Variants in TLCD3B observed in about 807,000 individuals in gnomAD.
The protein encoded by TLCD3B is ceramide synthase.
In TLCD3B, 9 loss-of-function variants were observed where a neutral mutation model predicts 23.0. That is an observed-to-expected ratio of 0.39 (90% CI 0.24 to 0.68). The LOEUF (loss-of-function observed/expected upper bound fraction) is 0.68. TLCD3B is among the 30% of genes least tolerant of loss of function. TLCD3B has a pLI of 0.44. For missense variants in TLCD3B, 307 were observed against 371.8 expected (o/e 0.83, Z 1.43); for synonymous variants, 161 against 161.0 (o/e 1.00, Z 0.00).
chr16:30,031,796 G>A (rs576957354), upstream of TLCD3B, among the ~76,000 whole-genome samples: 7 of 152,294 alleles, frequency 4.6e-5, no homozygotes, highest in South Asian at 6.2e-4. Context: ...AGGTCACTGC[G>A]TCTGTCCTTC....
Position 30,025,636 on chromosome 16 carries a change from G to A in TLCD3B, c.540+90C>T, listed in dbSNP as rs751785844. ...CACGGGGTGAGGGGGGGATGACGAA[G>A]GGGCTAGAGCCCTTGGCAGCAACCT... On this transcript the variant is annotated intron_variant, in intron 4 of 4. Coordinates refer to ENST00000380495, the MANE Select transcript of TLCD3B (RefSeq NM_031478.6). This position sits in a 1 kb window ranked among gnomAD's most constrained non-coding sequence, Gnocchi z 4.1. The A allele has an allele frequency of 2.7e-5, 40 of 1,491,704 alleles. No homozygotes were observed. The highest frequency in any genetic ancestry group is 3.4e-5 in the Non-Finnish European group (36 of 1,070,560). 92.4% of individuals were successfully genotyped at this position (1,491,704 alleles called of 1,614,324 possible).
intron 3 of TLCD3B, chr16:30,036,565 G>C (rs2071478087): frequency 4.5e-6 from 2 of 446,758 alleles, no homozygotes; most frequent in Non-Finnish European, 3.8e-6. Flanking sequence ...GAGGCAGTTG[G>C]GGAGGGCAGG....
chr16:30,048,498 G>A (rs933371969), intron 1 of TLCD3B, among the ~76,000 whole-genome samples: 1 of 152,228 alleles, frequency 6.6e-6, no homozygotes, highest in Middle Eastern at 3.4e-3. Flanking sequence ...CAGTCCCTGA[G>A]GGTTATCCCC....
chr16:30,032,642 GTTTTT>G (rs560203961), upstream of TLCD3B: 3 of 98,568 alleles, frequency 3.0e-5, no homozygotes, highest in Admixed American at 1.1e-4. Flanking sequence ...ATTTTGTGGG[GTTTTT>G]TTTTTTTTTT....
Position 30,029,524 on chromosome 16 carries a change from G to T in TLCD3B, c.126-9C>A. 1 of 1,611,926 alleles carries T rather than the reference G, an allele frequency of 6.2e-7. No individual in the cohort carries two copies. The highest frequency in any genetic ancestry group is 1.1e-5 in the South Asian group (1 of 90,954). On this transcript the variant is annotated splice_polypyrimidine_tract_variant and intron_variant, in intron 1 of 4. Transcript: ENST00000380495. This position sits in a 1 kb window ranked among gnomAD's most constrained non-coding sequence, Gnocchi z 4.6. ...GGACAGAGGACACCAGCCTGGGGGA[G>T]AGAGGGAGGCGTGCTAGAAAGGCAG...
At chr16:30,040,147 A>AAAT in intron 3 of TLCD3B, among the ~76,000 whole-genome samples, 2,629 of 95,790 alleles carry the variant, frequency 0.027, 96 homozygotes, top group Admixed American at 0.091. Context: ...AAAAAAAAAA[A>AAAT]ATATATATAT....
In TLCD3B at chr16:30,028,072, G is replaced by A. The variant is rs1596741865; in HGVS notation, c.210-1229C>T. Among the ~76,000 whole-genome samples, 4 of 152,214 alleles carry A rather than the reference G, an allele frequency of 2.6e-5. No individual in the cohort carries two copies. The South Asian group carries it at 8.3e-4, about 32-fold the overall frequency. On this transcript the variant is annotated intron_variant, in intron 2 of 4. Coordinates refer to ENST00000380495, the MANE Select transcript of TLCD3B (RefSeq NM_031478.6). ...AGGGAAAGATGAGAGGGGAGGGGCA[G>A]CTGTAGAGAACGCGAAGCGGGAACA...
chr16:30,027,552 G>A (rs1030882858), intron 2 of TLCD3B: 10 of 456,012 alleles, frequency 2.2e-5, no homozygotes, highest in Admixed American at 4.7e-5. Flanking sequence ...AGCGCTGTTC[G>A]CCCTGCCCCA....
At chr16:30,044,856 G>C (rs906447411) in intron 2 of TLCD3B, among the ~76,000 whole-genome samples, 1 of 151,736 alleles carries the variant, frequency 6.6e-6, no homozygotes, top group Non-Finnish European at 1.5e-5. Context: ...GGCGGGCGGC[G>C]GGGGGGTGCG....
chr16:30,051,825 G>A (rs2071760469), intron 1 of TLCD3B, among the ~76,000 whole-genome samples: 1 of 152,204 alleles, frequency 6.6e-6, no homozygotes, highest in East Asian at 1.9e-4. Flanking sequence ...CAAAACTGAG[G>A]ACGTGCTTGA....
At chr16:30,048,803 G>C (rs1158431942) in intron 1 of TLCD3B, among the ~76,000 whole-genome samples, 1 of 148,774 alleles carries the variant, frequency 6.7e-6, no homozygotes, top group Non-Finnish European at 1.5e-5. Context: ...CGGAGTCTCT[G>C]TCTGTCACCC....
chr16:30,027,135 G>C (rs963015833), intron 2 of TLCD3B: 1 of 526,354 alleles, frequency 1.9e-6, no homozygotes, highest in African/African-American at 1.9e-5. Flanking sequence ...CAGACCAAAA[G>C]GCACAGATAC....
chr16:30,029,371 G>A lies in TLCD3B; in HGVS notation c.209+61C>T, dbSNP rs1401386708. On this transcript the variant is annotated intron_variant, in intron 2 of 4. Coordinates refer to ENST00000380495, the MANE Select transcript of TLCD3B (RefSeq NM_031478.6). This position sits in a 1 kb window ranked among gnomAD's most constrained non-coding sequence, Gnocchi z 4.6. ...TTCCCTCCAAGATGTGGGGTCTTCC[G>A]GGATTACCCGTACACGCCAACCACT... 2.4e-5 allele frequency: 36 copies of A among 1,473,272 alleles called. No individual in the cohort carries two copies. In the East Asian group the frequency reaches 2.7e-4, roughly 11 times the overall value. 91.3% of individuals were successfully genotyped at this position (1,473,272 alleles called of 1,614,324 possible).
chr16:30,033,974 A>G (rs1157223499), upstream of TLCD3B, among the ~76,000 whole-genome samples: 1 of 151,814 alleles, frequency 6.6e-6, no homozygotes, highest in Non-Finnish European at 1.5e-5. Context: ...TCAAAAAAAT[A>G]AAAAGAATTG....
intron 2 of TLCD3B, 70 bp from the exon 3 acceptor site, chr16:30,026,913 A>C: frequency 1.5e-4 from 190 of 1,305,480 alleles, no homozygotes; most frequent in Non-Finnish European, 1.9e-4. Flanking sequence ...GTCAGATCTC[A>C]GGGGTCAGCA....
At chr16:30,027,033 G>A (rs2071174671) in intron 2 of TLCD3B, 190 bp from the exon 3 acceptor site, 1 of 687,910 alleles carries the variant, frequency 1.5e-6, no homozygotes, top group African/African-American at 1.8e-5. Flanking sequence ...AAGAGATGGT[G>A]CTGGGATTCA....
rs1471042903 is a variant in TLCD3B at position 30,030,451 on chromosome 16, A to G, written c.77T>C (p.Leu26Pro). The stretch of plus-strand genomic sequence containing the variant: ...GGCCTCCTCCCAGCGTAGCTGGGGC[A>G]GCCGCTGGAGCGTGTTCTTGGAGAG... ...FLLSKNTLQR[L>P]PQLRWEEADA... Residue 26 changes from leucine (L) to proline (P), a missense_variant, in exon 1 of 5, where the codon CTG (leucine) becomes CCG (proline). By Grantham distance (98) the Leu-to-Pro change is moderately conservative. Coordinates refer to ENST00000380495, the MANE Select transcript of TLCD3B (RefSeq NM_031478.6). 1.9e-6 allele frequency: 3 copies of G among 1,605,534 alleles called. No individual in the cohort carries two copies. The highest frequency in any genetic ancestry group is 2.5e-6 in the Non-Finnish European group (3 of 1,177,020).
rs780474875 is a variant in TLCD3B, at chr16:30,025,598, G to A, written c.540+128C>T. The A allele has an allele frequency of 3.8e-4, 568 of 1,485,004 alleles. No homozygotes were observed. Among genetic ancestry groups the A allele is most frequent in the Non-Finnish European group, 5.0e-4 (535 of 1,066,386 alleles). The allele number at this position is 1,485,004 out of a possible 1,614,324, so 92.0% of individuals were successfully genotyped here. A position where few individuals can be genotyped will look rare whatever the true frequency, so the allele number is the denominator to read the frequency against. ...ACACTTTGCCAGGACACAAGCACCA[G>A]GTGCTCAAAATGCACGGGGTGAGGG... On this transcript the variant is annotated intron_variant, in intron 4 of 4. Coordinates refer to ENST00000380495, the MANE Select transcript of TLCD3B (RefSeq NM_031478.6). This position sits in a 1 kb window ranked among gnomAD's most constrained non-coding sequence, Gnocchi z 4.1.
chr16:30,028,851 G>A (rs1295546905), intron 2 of TLCD3B, among the ~76,000 whole-genome samples: 5 of 152,116 alleles, frequency 3.3e-5, no homozygotes, highest in East Asian at 1.9e-4. Context: ...TCTCCTCCCC[G>A]TCCCCCCGCC....
Sources: gnomAD v4.1 joint callset for allele counts (sites outside exome capture counted in the v4.1 genomes callset) on GRCh38, gnomAD v4.1.1 for gene constraint, Gnocchi (gnomAD v3.1) non-coding constraint, MANE v1.5 for transcripts, NCBI Gene and HGNC (gene_info 2026-07-23, HGNC 2026-07-21) for gene names.